Variants in TSHZ3 observed in about 807,000 individuals in gnomAD.
TSHZ3 encodes teashirt homolog 3.
A neutral mutation model predicts 64.5 loss-of-function variants in TSHZ3; 10 were observed. The ratio of observed to expected loss-of-function variants is 0.16; its 90% CI spans 0.10 to 0.26. The LOEUF is 0.26. Among genes scored for constraint, TSHZ3 ranks in the 10% least tolerant of loss-of-function variants. TSHZ3 has a pLI of 1.00. For missense variants in TSHZ3, 1,242 were observed against 1,421.7 expected (o/e 0.87, Z 2.03); for synonymous variants, 608 against 593.1 (o/e 1.03, Z -0.36).
intron 1 of TSHZ3, among the ~76,000 whole-genome samples, chr19:31,338,016 A>G (rs1917304241): frequency 6.6e-6 from 1 of 152,226 alleles, no homozygotes; most frequent in African/African-American, 2.4e-5. Context: ...GCAACCCCAA[A>G]TAAAGTCACA....
intron 1 of TSHZ3, among the ~76,000 whole-genome samples, chr19:31,311,716 A>AC (rs888924111): frequency 9.9e-5 from 15 of 151,922 alleles, no homozygotes; most frequent in Non-Finnish European, 2.2e-4. Context: ...GAGCAGAGCC[A>AC]CCCCTCTTTA....
At chr19:31,249,276 G>A (rs1429383911) in intron 1 of TSHZ3, among the ~76,000 whole-genome samples, 1 of 152,186 alleles carries the variant, frequency 6.6e-6, no homozygotes, top group Non-Finnish European at 1.5e-5. Context: ...CTAGGTGTCC[G>A]CTTATTCAGA....
At chr19:31,324,336 A>G in intron 1 of TSHZ3, among the ~76,000 whole-genome samples, 1 of 152,264 alleles carries the variant, frequency 6.6e-6, no homozygotes, top group East Asian at 1.9e-4. Flanking sequence ...GTTTGGAACA[A>G]GATGAATACT....
At chr19:31,185,519 G>C (rs565541342) in intron 5 of TSHZ3, among the ~76,000 whole-genome samples, 1 of 152,302 alleles carries the variant, frequency 6.6e-6, no homozygotes, top group South Asian at 2.1e-4. Flanking sequence ...CCTGCAGAGG[G>C]AGCTCAGTGG....
At position 31,168,138 on chromosome 19, in the gene TSHZ3, T is replaced by C. The variant is rs558750094; in HGVS notation, n.810-11721A>G. Among the ~76,000 whole-genome samples, 15 of 152,314 alleles carry C rather than the reference T, an allele frequency of 9.8e-5. No individual in the cohort carries two copies. The South Asian group carries it at 2.9e-3, about 29-fold the overall frequency. On this transcript the variant is annotated intron_variant and non_coding_transcript_variant, in intron 5 of 6. Transcript: ENST00000651361. ...AAAAAGTACTCGTGCATAATTGACATAATTGATCTAGTATTTTTTTTTCCT... is the reference window on the plus strand; with the variant it reads ...AAAAAGTACTCGTGCATAATTGACACAATTGATCTAGTATTTTTTTTTCCT...
intron 3 of TSHZ3, among the ~76,000 whole-genome samples, chr19:31,237,723 G>T (rs1249849051): frequency 6.6e-6 from 1 of 152,006 alleles, no homozygotes; most frequent in East Asian, 1.9e-4. Context: ...TTCTAAAATA[G>T]ATATTGCAAG....
chr19:31,332,731 T>C (rs978646891), intron 1 of TSHZ3, among the ~76,000 whole-genome samples: 3 of 152,100 alleles, frequency 2.0e-5, no homozygotes, highest in Non-Finnish European at 2.9e-5. Context: ...AAAAGCCATA[T>C]TGGGTCAGGC....
intron 5 of TSHZ3, among the ~76,000 whole-genome samples, chr19:31,163,229 G>A (rs1198631971): frequency 1.3e-5 from 2 of 152,186 alleles, no homozygotes; most frequent in African/African-American, 2.4e-5. Flanking sequence ...GTAGATGGGT[G>A]GGAGGGTAGA....
At chr19:31,331,198 C>G (rs1917080501) in intron 1 of TSHZ3, among the ~76,000 whole-genome samples, 1 of 152,168 alleles carries the variant, frequency 6.6e-6, no homozygotes, top group Admixed American at 6.5e-5. Flanking sequence ...GGAATGTGGA[C>G]AGAGCGACAC....
At chr19:31,296,160 C>T (rs2145135726) in intron 1 of TSHZ3, among the ~76,000 whole-genome samples, 1 of 151,516 alleles carries the variant, frequency 6.6e-6, no homozygotes, top group Admixed American at 6.6e-5. Flanking sequence ...TGTGGGCACC[C>T]AGTGAAATAA....
At chr19:31,314,539 T>A (rs939535144) in intron 1 of TSHZ3, among the ~76,000 whole-genome samples, 1 of 152,230 alleles carries the variant, frequency 6.6e-6, no homozygotes, top group Admixed American at 6.5e-5. Flanking sequence ...GGATTTCACA[T>A]CCCCTTGTGA....
chr19:31,203,570 A>T (rs11880308), intron 5 of TSHZ3, among the ~76,000 whole-genome samples: 1 of 151,980 alleles, frequency 6.6e-6, no homozygotes, highest in African/African-American at 2.4e-5. Context: ...ATCTGGTATG[A>T]GAATGGGTCC....
intron 5 of TSHZ3, among the ~76,000 whole-genome samples, chr19:31,197,924 G>A (rs550461792): frequency 1.3e-5 from 2 of 152,044 alleles, no homozygotes; most frequent in South Asian, 2.1e-4. Context: ...AGAAGCCCAG[G>A]AAATATTGTC....
At chr19:31,221,636 A>G (rs945050881) in intron 4 of TSHZ3, among the ~76,000 whole-genome samples, 1 of 152,054 alleles carries the variant, frequency 6.6e-6, no homozygotes, top group Non-Finnish European at 1.5e-5. Context: ...CCTCTCCTGT[A>G]ATGCTTTCTC....
intron 3 of TSHZ3, among the ~76,000 whole-genome samples, chr19:31,235,870 A>C (rs1407369417): frequency 6.7e-6 from 1 of 149,484 alleles, no homozygotes; most frequent in Non-Finnish European, 1.5e-5. Context: ...ATGCACCAAC[A>C]CACCTGGCTA....
In TSHZ3 at chr19:31,264,984, T is replaced by G. The variant is rs184321121; in HGVS notation, n.64-22109A>C. ...GGTAGGGGTCCCCAGCTATACCTTG[T>G]GGAGAGAGTGGCCAGGAGGTTCTCA... On this transcript the variant is annotated intron_variant and non_coding_transcript_variant, in intron 1 of 6. Coordinates refer to the TSHZ3 transcript ENST00000651361. Among the ~76,000 whole-genome samples the G allele has an allele frequency of 5.9e-3, 902 of 152,192 alleles. 7 individuals are homozygous for G. Among genetic ancestry groups the G allele is most frequent in the African/African-American group, 0.021 (851 of 41,504 alleles).
downstream of TSHZ3, among the ~76,000 whole-genome samples, chr19:31,271,012 C>T (rs1976127700): frequency 6.6e-6 from 1 of 152,164 alleles, no homozygotes; most frequent in South Asian, 2.1e-4. Flanking sequence ...GGCACTGACA[C>T]CCCAATGCTG....
At chr19:31,221,185 G>T (rs1274447265) in intron 4 of TSHZ3, among the ~76,000 whole-genome samples, 3 of 152,184 alleles carry the variant, frequency 2.0e-5, no homozygotes, top group Admixed American at 2.0e-4. Context: ...AACATGGCAG[G>T]TGTAGCATTA....
At chr19:31,182,114 A>G (rs114518947) in intron 5 of TSHZ3, among the ~76,000 whole-genome samples, 1 of 152,330 alleles carries the variant, frequency 6.6e-6, no homozygotes, top group African/African-American at 2.4e-5. Context: ...CTATTCCTCC[A>G]ATGTGGAATA....
Sources: allele counts gnomAD v4.1 joint callset (sites outside exome capture counted in the v4.1 genomes callset), GRCh38; gene constraint gnomAD v4.1.1; transcripts MANE v1.5; gene names NCBI Gene and HGNC (gene_info 2026-07-23, HGNC 2026-07-21).